SLC4A5: variants seen among roughly 807,000 people sequenced by gnomAD.
SLC4A5 encodes solute carrier family 4 member 5, also known as electrogenic sodium bicarbonate cotransporter 4.
A neutral mutation model predicts 120.4 loss-of-function variants in SLC4A5; 96 were observed. That is an observed-to-expected ratio of 0.80 (90% confidence interval 0.68 to 0.94). The LOEUF (loss-of-function observed/expected upper bound fraction) is 0.94, where lower values mean the gene tolerates loss of function less well. SLC4A5 is among the 40% of genes least tolerant of loss of function. SLC4A5 has a pLI of 0.00. For missense variants in SLC4A5, 1,259 were observed against 1,459.5 expected (o/e 0.86, Z 2.24); for synonymous variants, 550 against 571.1 (o/e 0.96, Z 0.53).
chr2:74,329,460 A>G (rs888311156), intron 4 of SLC4A5, among the ~76,000 whole-genome samples: 4 of 152,120 alleles, frequency 2.6e-5, no homozygotes, highest in Non-Finnish European at 4.4e-5. Flanking sequence ...GTGGTGGTAC[A>G]TGCCTGTAAT....
At chr2:74,267,562 T>C (rs1026947889) in intron 8 of SLC4A5, among the ~76,000 whole-genome samples, 6 of 152,164 alleles carry the variant, frequency 3.9e-5, no homozygotes, top group African/African-American at 1.4e-4. Flanking sequence ...TGTGCACACA[T>C]GTGTCTGGAG....
At chr2:74,222,565 C>T (rs1419937655) in intron 29 of SLC4A5, among the ~76,000 whole-genome samples, 1 of 152,182 alleles carries the variant, frequency 6.6e-6, no homozygotes, top group Admixed American at 6.5e-5. Flanking sequence ...GGATCAGTGG[C>T]AGCAATAGAT....
At chr2:74,331,043 A>C (rs1415745267) in intron 4 of SLC4A5, among the ~76,000 whole-genome samples, 2 of 137,512 alleles carry the variant, frequency 1.5e-5, no homozygotes, top group African/African-American at 5.6e-5. Flanking sequence ...TGTGTGGTTT[A>C]GGTGTAGGTG....
At chr2:74,228,667 C>CA (rs1558866812) in intron 25 of SLC4A5, among the ~76,000 whole-genome samples, 3 of 144,400 alleles carry the variant, frequency 2.1e-5, no homozygotes, top group African/African-American at 8.0e-5. Flanking sequence ...CCCCCGCCCC[C>CA]CAAAAAAACC....
exon 14 of SLC4A5, chr2:74,254,630 T>A: frequency 6.2e-7 from 1 of 1,613,890 alleles, no homozygotes; most frequent in Non-Finnish European, 8.5e-7. Flanking sequence ...TCATCTACCA[T>A]GAGGGTTGCA....
chr2:74,235,238 A>T, intron 21 of SLC4A5, 24 bp from the exon 22 acceptor site: 1 of 1,594,928 alleles, frequency 6.3e-7, no homozygotes, highest in Non-Finnish European at 8.6e-7. Context: ...ATGAGCAAGT[A>T]AAAGAAGTGA....
intron 17 of SLC4A5, among the ~76,000 whole-genome samples, chr2:74,248,831 G>A (rs1283590470): frequency 6.6e-6 from 1 of 152,174 alleles, no homozygotes; most frequent in Non-Finnish European, 1.5e-5. Context: ...CATCTGTTTG[G>A]TGCTTTTAGA....
At chr2:74,284,371 G>A (rs1279828162) in intron 8 of SLC4A5, among the ~76,000 whole-genome samples, 2 of 84,350 alleles carry the variant, frequency 2.4e-5, no homozygotes, top group Non-Finnish European at 4.0e-5. Context: ...TAGTAGAGAC[G>A]GGGTTTCACC....
At chr2:74,315,790 C>T (rs1672949725) in intron 5 of SLC4A5, among the ~76,000 whole-genome samples, 1 of 151,610 alleles carries the variant, frequency 6.6e-6, no homozygotes, top group Non-Finnish European at 1.5e-5. Context: ...GAGTGAGACT[C>T]TATCTCTACG....
At chr2:74,281,372 GC>G (rs1035786355) in intron 8 of SLC4A5, among the ~76,000 whole-genome samples, 7 of 152,236 alleles carry the variant, frequency 4.6e-5, no homozygotes, top group African/African-American at 1.7e-4. Context: ...CTCCTTCCCA[GC>G]CCCTCCACTT....
intron 5 of SLC4A5, 65 bp downstream of exon 5, chr2:74,328,044 TCATGCTATGAA>T (rs1673259980): frequency 9.0e-6 from 7 of 780,620 alleles, no homozygotes; most frequent in Admixed American, 6.3e-5. Flanking sequence ...TACTCTGTGT[TCATGCTATGAA>T]ACACATTTTC....
Position 74,271,276 on chromosome 2 carries a change from T to C in SLC4A5, c.402-6012A>G, listed in dbSNP as rs1671467788. ...CCAGTTATTCTGCTTATTTCTCCTA[T>C]AACACCCTAGGATGGTTCTCAACCT... is the stretch of plus-strand genomic sequence containing the variant. On this transcript the variant is annotated intron_variant, in intron 8 of 30. Transcript: ENST00000394019. 2.0e-5 allele frequency among the ~76,000 whole-genome samples: 3 copies of C among 152,150 alleles called. No homozygotes were observed. The South Asian group carries it at 6.2e-4, about 32-fold the overall frequency.
intron 13 of SLC4A5, 35 bp from the exon 14 acceptor site, chr2:74,254,741 T>C (rs771013383): frequency 2.0e-6 from 3 of 1,463,808 alleles, no homozygotes; most frequent in South Asian, 1.1e-5. Flanking sequence ...CAGAGAAGAT[T>C]AAGGAAGAGG....
At chr2:74,324,460 T>C (rs1048959438) in intron 5 of SLC4A5, among the ~76,000 whole-genome samples, 1 of 152,148 alleles carries the variant, frequency 6.6e-6, no homozygotes, top group Admixed American at 6.6e-5. Flanking sequence ...ATCCCCAGAG[T>C]GCCTGATTCC....
intron 7 of SLC4A5, among the ~76,000 whole-genome samples, chr2:74,295,850 T>C (rs1558900420): frequency 6.6e-6 from 1 of 152,146 alleles, no homozygotes; most frequent in Non-Finnish European, 1.5e-5. Flanking sequence ...GGTGAAGCAC[T>C]GTGAGACTGA....
intron 17 of SLC4A5, among the ~76,000 whole-genome samples, chr2:74,248,893 G>A (rs142672423): frequency 7.9e-5 from 12 of 152,312 alleles, no homozygotes; most frequent in African/African-American, 2.9e-4. Context: ...TGTGTACCAG[G>A]CATTGTGAAA....
intron 19 of SLC4A5, among the ~76,000 whole-genome samples, chr2:74,244,590 C>T (rs953523549): frequency 4.6e-5 from 7 of 151,484 alleles, no homozygotes; most frequent in African/African-American, 1.7e-4. Flanking sequence ...CCTCCTCCTC[C>T]TCCTTGCTCT....
intron 21 of SLC4A5, 72 bp downstream of exon 21, chr2:74,239,263 A>T: frequency 6.8e-7 from 1 of 1,466,200 alleles, no homozygotes; most frequent in Non-Finnish European, 9.5e-7. Flanking sequence ...CTGTCGGTGG[A>T]CCAGAACCCT....
chr2:74,330,934 GGT>G, intron 4 of SLC4A5, among the ~76,000 whole-genome samples: 2 of 107,606 alleles, frequency 1.9e-5, no homozygotes, highest in Non-Finnish European at 4.1e-5. Context: ...AGGTGTAGGT[GGT>G]GAGTTATAGG....
Sources: allele counts gnomAD v4.1 joint callset (sites outside exome capture counted in the v4.1 genomes callset), GRCh38; gene constraint gnomAD v4.1.1; transcripts MANE v1.5; gene names NCBI Gene and HGNC (gene_info 2026-07-23, HGNC 2026-07-21).